The following GFOD2 variants were observed in gnomAD, a reference collection of about 807,000 sequenced individuals.
GFOD2 encodes Gfo/Idh/MocA-like oxidoreductase domain containing 2, also known as glucose-fructose oxidoreductase domain-containing protein 2.
Under a neutral mutation model 24.6 loss-of-function variants are expected in GFOD2, and 9 were observed. The observed-to-expected ratio is 0.37, with a 90% CI of 0.22 to 0.64. GFOD2 has a LOEUF of 0.64. GFOD2 is among the 30% of genes least tolerant of loss of function. The pLI is 0.65. For missense variants in GFOD2, 476 were observed against 532.5 expected (o/e 0.89, Z 1.04); for synonymous variants, 211 against 224.8 (o/e 0.94, Z 0.55).
chr16:67,706,372 G>A (rs2053439398), intron 1 of GFOD2, among the ~76,000 whole-genome samples: 1 of 152,158 alleles, frequency 6.6e-6, no homozygotes, highest in Non-Finnish European at 1.5e-5. Context: ...CAAAGTTACA[G>A]CCTTGTAATA....
At chr16:67,697,454 A>T (rs1311601342) in intron 1 of GFOD2, among the ~76,000 whole-genome samples, 1 of 152,162 alleles carries the variant, frequency 6.6e-6, no homozygotes, top group East Asian at 1.9e-4. Flanking sequence ...ATATGAAGTG[A>T]GTATAATAGG....
intron 1 of GFOD2, among the ~76,000 whole-genome samples, chr16:67,699,061 G>C (rs905016673): frequency 6.6e-6 from 1 of 152,186 alleles, no homozygotes; most frequent in Non-Finnish European, 1.5e-5. Context: ...CTAGCAATGT[G>C]GCTGGGCGTG....
At chr16:67,709,239 T>C (rs1389612636) in intron 1 of GFOD2, among the ~76,000 whole-genome samples, 1 of 151,030 alleles carries the variant, frequency 6.6e-6, no homozygotes, top group Non-Finnish European at 1.5e-5. Flanking sequence ...GCCCAGTAGG[T>C]CAAGGCTGCA....
At chr16:67,700,072 C>T (rs936004870) in intron 1 of GFOD2, among the ~76,000 whole-genome samples, 2 of 151,726 alleles carry the variant, frequency 1.3e-5, no homozygotes, top group Admixed American at 6.6e-5. Flanking sequence ...CATGACCCTG[C>T]CTCAAAAAAA....
chr16:67,700,374 C>CAA (rs879329140), intron 1 of GFOD2, among the ~76,000 whole-genome samples: 2 of 130,532 alleles, frequency 1.5e-5, no homozygotes, highest in East Asian at 2.2e-4. Flanking sequence ...GACTCCGTCT[C>CAA]AAAAAAAAAA....
At chr16:67,685,398 C>CA (rs765463576) in intron 2 of GFOD2, 59 bp downstream of exon 2, 6 of 1,610,050 alleles carry the variant, frequency 3.7e-6, no homozygotes, top group Non-Finnish European at 5.1e-6. Flanking sequence ...GAGTGACCCT[C>CA]AGAGGACTGC....
intron 1 of GFOD2, among the ~76,000 whole-genome samples, chr16:67,702,554 A>G (rs958997522): frequency 6.7e-6 from 1 of 149,844 alleles, no homozygotes; most frequent in African/African-American, 2.5e-5. Flanking sequence ...AGGCCCAGGA[A>G]CTCCAACTGA....
chr16:67,685,281 C>T lies in GFOD2; in HGVS notation c.259+176G>A, dbSNP rs74323740. The T allele has an allele frequency of 2.0e-3, 2,886 of 1,446,390 alleles. 49 individuals are homozygous for T. The African/African-American group carries it at 0.037, about 19-fold the overall frequency. 89.6% of individuals were successfully genotyped at this position (1,446,390 alleles called of 1,614,324 possible). On this transcript the variant is annotated intron_variant, in intron 2 of 2. Coordinates refer to ENST00000268797, the MANE Select transcript of GFOD2 (RefSeq NM_030819.4). The stretch of plus-strand genomic sequence containing the variant: ...ATTTACAGATGGGAGGTAGGTTAGG[C>T]TATGTCTTTTTTCATGCCCTCCCCA...
chr16:67,678,082 T>C (rs989820170), intron 2 of GFOD2, among the ~76,000 whole-genome samples: 1 of 152,218 alleles, frequency 6.6e-6, no homozygotes, highest in African/African-American at 2.4e-5. Context: ...CCAAGATGGA[T>C]TCTGTTCACA....
At chr16:67,716,665 G>A (rs1021882061) in intron 1 of GFOD2, among the ~76,000 whole-genome samples, 1 of 152,182 alleles carries the variant, frequency 6.6e-6, no homozygotes, top group Non-Finnish European at 1.5e-5. Flanking sequence ...TGAAAGTAAT[G>A]AAGGTTTCTG....
intron 2 of GFOD2, among the ~76,000 whole-genome samples, chr16:67,678,368 C>T (rs1462950879): frequency 2.0e-5 from 3 of 150,132 alleles, no homozygotes; most frequent in African/African-American, 4.9e-5. Context: ...CCCAGCTACT[C>T]GGGAGGCTGA....
At chr16:67,700,557 C>T (rs962165878) in intron 1 of GFOD2, among the ~76,000 whole-genome samples, 1 of 144,876 alleles carries the variant, frequency 6.9e-6, no homozygotes, top group African/African-American at 2.6e-5. Flanking sequence ...ACTAAAAATA[C>T]AAAAATTAGC....
chr16:67,709,271 G>C (rs1241455078), intron 1 of GFOD2, among the ~76,000 whole-genome samples: 2 of 150,384 alleles, frequency 1.3e-5, no homozygotes, highest in Non-Finnish European at 3.0e-5. Context: ...TTGCACCACT[G>C]TACTCCAGCC....
At chr16:67,681,442 A>T in intron 2 of GFOD2, 1 of 977,658 alleles carries the variant, frequency 1.0e-6, no homozygotes, top group Non-Finnish European at 1.2e-6. Context: ...GTTTTTTTAG[A>T]TGGGGACTCG....
At chr16:67,713,482 T>G (rs1217872953) in intron 1 of GFOD2, among the ~76,000 whole-genome samples, 1 of 152,184 alleles carries the variant, frequency 6.6e-6, no homozygotes, top group East Asian at 1.9e-4. Context: ...CGACTTCCAA[T>G]GCCATCAAAA....
intron 2 of GFOD2, chr16:67,680,646 T>G (rs1185850285): frequency 1.3e-6 from 1 of 793,672 alleles, no homozygotes; most frequent in Non-Finnish European, 1.5e-6. Context: ...ATGGGCATCT[T>G]ACGTAGGTCT....
intron 1 of GFOD2, among the ~76,000 whole-genome samples, chr16:67,709,855 T>G (rs1182934689): frequency 1.3e-5 from 2 of 152,174 alleles, no homozygotes; most frequent in Admixed American, 6.5e-5. Context: ...ATTCAACTCT[T>G]GTCCTCAAGT....
At chr16:67,697,276 G>A (rs2053365558) in intron 1 of GFOD2, among the ~76,000 whole-genome samples, 1 of 152,138 alleles carries the variant, frequency 6.6e-6, no homozygotes, top group Admixed American at 6.6e-5. Flanking sequence ...TTTAAGGATT[G>A]AGTTAATATT....
At chr16:67,709,389 T>C (rs527240319) in intron 1 of GFOD2, among the ~76,000 whole-genome samples, 26 of 152,204 alleles carry the variant, frequency 1.7e-4, no homozygotes, top group African/African-American at 6.0e-4. Context: ...CTGTAATTTA[T>C]GTAGATTGAT....
Sources: allele counts gnomAD v4.1 joint callset (sites outside exome capture counted in the v4.1 genomes callset), GRCh38; gene constraint gnomAD v4.1.1; transcripts MANE v1.5; gene names NCBI Gene and HGNC (gene_info 2026-07-23, HGNC 2026-07-21).